SYNE2: variants seen among roughly 807,000 people sequenced by gnomAD.
SYNE2 encodes the protein nesprin-2.
Under a neutral mutation model 856.3 loss-of-function variants are expected in SYNE2, and 431 were observed. That is an observed-to-expected ratio of 0.50 (90% CI 0.47 to 0.55). SYNE2 has a LOEUF of 0.55. Among genes scored for constraint, SYNE2 ranks in the 20% least tolerant of loss-of-function variants. The pLI, the probability that SYNE2 is intolerant of heterozygous loss-of-function variation, is 0.00. For missense variants in SYNE2, 8,129 were observed against 8,023.2 expected (o/e 1.01, Z -0.50); for synonymous variants, 2,923 against 2,872.3 (o/e 1.02, Z -0.56).
intron 1 of SYNE2, among the ~76,000 whole-genome samples, chr14:63,907,024 C>T (rs1026837010): frequency 5.3e-5 from 8 of 152,104 alleles, no homozygotes; most frequent in South Asian, 2.1e-4. Flanking sequence ...CTCCTAATAC[C>T]GTGACATTGG....
intron 51 of SYNE2, among the ~76,000 whole-genome samples, chr14:64,069,472 A>G (rs984046041): frequency 2.0e-5 from 3 of 152,248 alleles, no homozygotes; most frequent in South Asian, 2.1e-4. Flanking sequence ...TGGGTACCCA[A>G]CTGGGTCATA....
chr14:63,925,551 G>GT (rs555233178), intron 2 of SYNE2, among the ~76,000 whole-genome samples: 84 of 151,902 alleles, frequency 5.5e-4, no homozygotes, highest in Non-Finnish European at 8.2e-4. Context: ...CAATTGCATT[G>GT]TTTTTTTTAC....
At chr14:63,981,334 T>G (rs1038845969) in intron 16 of SYNE2, among the ~76,000 whole-genome samples, 161 bp downstream of exon 16, 1 of 151,920 alleles carries the variant, frequency 6.6e-6, no homozygotes, top group African/African-American at 2.4e-5. Flanking sequence ...CCTGATATAA[T>G]TGCCAAGAGG....
intron 1 of SYNE2, among the ~76,000 whole-genome samples, chr14:63,825,113 G>C (rs1595148323): frequency 6.6e-6 from 1 of 151,806 alleles, no homozygotes; most frequent in African/African-American, 2.4e-5. Flanking sequence ...AAAAAGTTAG[G>C]GACAGACAAA....
At chr14:63,940,584 T>A in intron 2 of SYNE2, 30 bp from the exon 3 acceptor site, 1 of 1,612,144 alleles carries the variant, frequency 6.2e-7, no homozygotes, top group Non-Finnish European at 8.5e-7. Context: ...GCTTCTGGTT[T>A]TATAACTGCT....
rs182181879 is a variant in SYNE2 at position 64,105,013 on chromosome 14, T to C, written c.12493-2478T>C. Among the ~76,000 whole-genome samples, 531 of 152,324 alleles carry C rather than the reference T, an allele frequency of 3.5e-3. 2 individuals are homozygous for C. The highest frequency in any genetic ancestry group is 0.012 in the African/African-American group (494 of 41,574). On this transcript the variant is annotated intron_variant, in intron 64 of 115. Transcript: ENST00000555002. ...TGCCACTATTTTCTCAGAGATAAACTTTGGAGTTCTACTAGGTGCCTCATT... is the reference window on the plus strand; with the variant it reads ...TGCCACTATTTTCTCAGAGATAAACCTTGGAGTTCTACTAGGTGCCTCATT...
chr14:63,955,111 C>T (rs1227574376), intron 8 of SYNE2, among the ~76,000 whole-genome samples, 196 bp downstream of exon 8: 1 of 152,138 alleles, frequency 6.6e-6, no homozygotes, highest in East Asian at 1.9e-4. Context: ...TAGGGGAAGC[C>T]ACAGCTGAAA....
intron 105 of SYNE2, 50 bp downstream of exon 105, chr14:64,213,055 G>T (rs751330835): frequency 6.3e-7 from 1 of 1,598,986 alleles, no homozygotes. Context: ...CAGAGTTTAC[G>T]TGAGACCAAA....
chr14:63,984,349 C>T (rs1490148101), intron 18 of SYNE2, among the ~76,000 whole-genome samples: 1 of 152,188 alleles, frequency 6.6e-6, no homozygotes, highest in East Asian at 1.9e-4. Context: ...AATGTTTTCC[C>T]TTATGAAGTC....
intron 1 of SYNE2, among the ~76,000 whole-genome samples, chr14:63,776,375 T>A (rs910543609): frequency 1.3e-5 from 2 of 152,118 alleles, no homozygotes; most frequent in African/African-American, 4.8e-5. Flanking sequence ...TCAGCACAAA[T>A]CTCTTTGCCT....
chr14:63,851,993 G>GGGAA (rs1890539724), upstream of SYNE2, among the ~76,000 whole-genome samples: 1 of 18,510 alleles, frequency 5.4e-5, no homozygotes. Context: ...GGGGGGGGGG[G>GGGAA]AATGAAATGG....
Position 64,053,127 on chromosome 14 carries a change from G to T in SYNE2, c.9214G>T (p.Ala3072Ser), listed in dbSNP as rs1398605902. ...IKKMTEVVLK[A>S]PDSSPESRRL... is the part of the protein sequence containing the mutation. ...GAAAATGACTGAAGTAGTACTAAAA[G>T]CTCCTGATAGCTCTCCGGAAAGCAG... is the stretch of plus-strand genomic sequence containing the variant. Residue 3072 changes from alanine to serine, a missense_variant, in exon 48 of 116, where the codon GCT becomes TCT. By Grantham distance (99) the Ala-to-Ser change is moderately conservative. Coordinates refer to ENST00000555002, the MANE Select transcript of SYNE2 (RefSeq NM_182914.3). The T allele has an allele frequency of 6.2e-7, 1 of 1,614,022 alleles. No homozygotes were observed. The highest frequency in any genetic ancestry group is 1.7e-5 in the Admixed American group (1 of 60,014).
chr14:64,208,268 A>G (rs2098618823), intron 100 of SYNE2: 1 of 417,792 alleles, frequency 2.4e-6, no homozygotes, highest in Non-Finnish European at 4.7e-6. Context: ...GGGCATCCAC[A>G]CTGCTGCATG....
At chr14:64,212,248 T>C in intron 104 of SYNE2, 150 bp downstream of exon 104, 1 of 1,308,350 alleles carries the variant, frequency 7.6e-7, no homozygotes, top group South Asian at 1.2e-5. Context: ...ACTACCAGAT[T>C]ATCACGTGCA....
chr14:63,986,396 G>C, intron 18 of SYNE2, 60 bp from the exon 19 acceptor site: 2 of 1,591,514 alleles, frequency 1.3e-6, no homozygotes, highest in Admixed American at 1.7e-5. Context: ...TTTTGAAAAG[G>C]AAAATTATTT....
At position 63,779,117 on chromosome 14, in the gene SYNE2, C is replaced by T. The variant is rs576362270; in HGVS notation, c.-305+17131C>T. Reference sequence around the variant, plus strand: ...GGTAGATCACCTGAGGTCAGGAGTTCGAGATCAGCCTGGCAAACATGGTGA... The same window carrying T: ...GGTAGATCACCTGAGGTCAGGAGTTTGAGATCAGCCTGGCAAACATGGTGA... On this transcript the variant is annotated intron_variant, in intron 1 of 23. Coordinates refer to the SYNE2 transcript ENST00000674003. 7.8e-4 allele frequency among the ~76,000 whole-genome samples: 118 copies of T among 151,504 alleles called. 1 individual carries two copies. The highest frequency in any genetic ancestry group is 1.3e-3 in the Non-Finnish European group (88 of 67,880).
At chr14:64,223,521 T>A in intron 113 of SYNE2, 141 bp downstream of exon 113, 6 of 832,658 alleles carry the variant, frequency 7.2e-6, no homozygotes, top group Non-Finnish European at 1.2e-5. Flanking sequence ...GTGCCCTTTT[T>A]CTAGCTGTGT....
At chr14:64,009,214 G>C (rs944538118) in intron 31 of SYNE2, among the ~76,000 whole-genome samples, 1 of 151,920 alleles carries the variant, frequency 6.6e-6, no homozygotes, top group Non-Finnish European at 1.5e-5. Context: ...TTTTAAAAAA[G>C]ACTAAATCCA....
At chr14:64,030,087 A>C (rs555193743) in intron 44 of SYNE2, 28 bp downstream of exon 44, 7 of 1,610,152 alleles carry the variant, frequency 4.3e-6, no homozygotes, top group Non-Finnish European at 5.9e-6. Context: ...GACATGATAG[A>C]CATTTAAAAA....
Sources: allele counts gnomAD v4.1 joint callset (sites outside exome capture counted in the v4.1 genomes callset), GRCh38; gene constraint gnomAD v4.1.1; transcripts MANE v1.5; gene names NCBI Gene and HGNC (gene_info 2026-07-23, HGNC 2026-07-21).